Variants in HGSNAT observed in about 807,000 individuals in gnomAD.
HGSNAT encodes the protein heparan-alpha-glucosaminide N-acetyltransferase.
Under a neutral mutation model 85.2 loss-of-function variants are expected in HGSNAT, and 59 were observed. That is an observed-to-expected ratio of 0.69 (90% CI 0.56 to 0.86). HGSNAT has a LOEUF of 0.86. Ranked by LOEUF, HGSNAT falls within the 40% of genes least tolerant of loss-of-function variation. The pLI is 0.00. For missense variants in HGSNAT, 756 were observed against 777.1 expected, an observed-to-expected ratio of 0.97 and a Z score of 0.32; for synonymous variants, 321 against 304.5, an observed-to-expected ratio of 1.05 and a Z score of -0.56.
intron 2 of HGSNAT, among the ~76,000 whole-genome samples, chr8:43,152,321 C>G (rs2130697062): frequency 6.6e-6 from 1 of 152,160 alleles, no homozygotes; most frequent in South Asian, 2.1e-4. Flanking sequence ...CAAAGCTATT[C>G]AGTAGGGATC....
At chr8:43,172,020 A>G (rs1803640827) in intron 7 of HGSNAT, among the ~76,000 whole-genome samples, 1 of 152,346 alleles carries the variant, frequency 6.6e-6, no homozygotes, top group Middle Eastern at 3.4e-3. Flanking sequence ...GTTATTGGAA[A>G]TATTTTGCAA....
chr8:43,153,772 T>C (rs1470578496), intron 2 of HGSNAT, among the ~76,000 whole-genome samples: 1 of 152,168 alleles, frequency 6.6e-6, no homozygotes, highest in Non-Finnish European at 1.5e-5. Context: ...ATTTTTAGCT[T>C]TTACATACGA....
In HGSNAT at chr8:43,199,377, C is replaced by G. The variant is rs1370309387; in HGVS notation, c.1727-11C>G. 1 of 1,562,198 alleles carries G rather than the reference C, an allele frequency of 6.4e-7. No individual in the cohort carries two copies. Among genetic ancestry groups the G allele is most frequent in the African/African-American group, 1.4e-5 (1 of 73,996 alleles). ...GAGAAACATGATCTTCTGTATGTCT[C>G]TCTCCTTAAGGAATGAATTCCATTC... On this transcript the variant is annotated splice_polypyrimidine_tract_variant and intron_variant, in intron 17 of 17. Transcript: ENST00000379644.
intron 2 of HGSNAT, among the ~76,000 whole-genome samples, chr8:43,155,213 C>A (rs1586708123): frequency 6.6e-6 from 1 of 152,012 alleles, no homozygotes; most frequent in South Asian, 2.1e-4. Flanking sequence ...TAAGAGTGCC[C>A]CTTTCTCCAC....
intron 15 of HGSNAT, 40 bp from the exon 16 acceptor site, chr8:43,197,632 A>T: frequency 6.9e-7 from 1 of 1,444,524 alleles, no homozygotes; most frequent in Non-Finnish European, 9.7e-7. Context: ...TTCTGAGATA[A>T]TAATATAAAA....
chr8:43,168,482 C>T (rs552561205), intron 5 of HGSNAT, among the ~76,000 whole-genome samples: 14 of 145,852 alleles, frequency 9.6e-5, no homozygotes, highest in South Asian at 4.3e-4. Flanking sequence ...AACTTCCCTC[C>T]GCCTCCTGGG....
chr8:43,198,643 G>A (rs1804815177), intron 17 of HGSNAT, among the ~76,000 whole-genome samples: 5 of 152,110 alleles, frequency 3.3e-5, no homozygotes, highest in Admixed American at 3.3e-4. Flanking sequence ...CACTACTATA[G>A]AGATTGTGCA....
chr8:43,159,157 A>AG, intron 4 of HGSNAT, 113 bp downstream of exon 4: 12 of 1,067,684 alleles, frequency 1.1e-5, no homozygotes, highest in African/African-American at 1.6e-5. Context: ...TGAAAACCTA[A>AG]ATCTTAGGTC....
rs1414288407 is a variant in HGSNAT at position 43,169,189 on chromosome 8, A to C, written c.580A>C (p.Asn194His). Residue 194 changes from asparagine (N) to histidine (H), a missense_variant, in exon 6 of 18, where the codon AAT (asparagine) becomes CAT (histidine). Transcript: ENST00000379644. Reference protein sequence around the residue: ...RLLLSLDDFNNWISKAISSRE... With the variant: ...RLLLSLDDFNHWISKAISSRE... ...TATTTTCAGTTTGGATGACTTTAAC[A>C]ATTGGATTTCTAAAGCCATAAGTTC... 28 of 1,571,684 alleles carry C rather than the reference A, an allele frequency of 1.8e-5. No individual in the cohort carries two copies. Among genetic ancestry groups the C allele is most frequent in the Non-Finnish European group, 2.3e-5 (27 of 1,158,280 alleles).
chr8:43,172,204 G>A (rs1393009339), intron 7 of HGSNAT, 106 bp from the exon 8 acceptor site: 6 of 812,758 alleles, frequency 7.4e-6, no homozygotes, highest in Non-Finnish European at 1.3e-5. Context: ...CAGTAGAATT[G>A]CATTGTTGCA....
intron 16 of HGSNAT, 46 bp from the exon 17 acceptor site, chr8:43,197,794 G>T: frequency 6.2e-7 from 1 of 1,600,164 alleles, no homozygotes. Flanking sequence ...GCTGAAATTG[G>T]ATTTGTTCCG....
intron 10 of HGSNAT, chr8:43,181,623 A>G (rs2130782582): frequency 6.5e-6 from 1 of 154,550 alleles, no homozygotes; most frequent in Non-Finnish European, 1.4e-5. Flanking sequence ...AGTAGGATTC[A>G]TTTTAGGGTT....
At chr8:43,163,700 T>A (rs1268083950) in intron 5 of HGSNAT, among the ~76,000 whole-genome samples, 1 of 151,978 alleles carries the variant, frequency 6.6e-6, no homozygotes, top group African/African-American at 2.4e-5. Flanking sequence ...TAATTTTTAG[T>A]AGAGATGAGG....
chr8:43,188,718 AGAG>A (rs1396838810), intron 11 of HGSNAT, among the ~76,000 whole-genome samples: 1 of 152,212 alleles, frequency 6.6e-6, no homozygotes, highest in Non-Finnish European at 1.5e-5. Context: ...TTGGAGGAGA[AGAG>A]GCGCTCTGAT....
rs369606613 is a variant in HGSNAT at position 43,168,120 on chromosome 8, C to T, written c.564-1053C>T. 1.5e-4 allele frequency: 25 copies of T among 166,332 alleles called. No homozygotes were observed. The East Asian group carries it at 3.1e-3, about 20-fold the overall frequency. 10.3% of individuals were successfully genotyped at this position (166,332 alleles called of 1,614,324 possible). A position where few individuals can be genotyped will look rare whatever the true frequency, so the allele number is the denominator to read the frequency against. The stretch of plus-strand genomic sequence containing the variant: ...ATTTTTAGTAGAGACAGGGTTTCAC[C>T]GTCTTAGCCAGGATGGTCTTGATCT... On this transcript the variant is annotated intron_variant, in intron 5 of 17. Transcript: ENST00000379644.
At chr8:43,149,057 A>G (rs1378320478) in intron 2 of HGSNAT, among the ~76,000 whole-genome samples, 3 of 151,964 alleles carry the variant, frequency 2.0e-5, no homozygotes, top group Non-Finnish European at 4.4e-5. Flanking sequence ...CAGAGGTGGC[A>G]GTGAGCTGAG....
chr8:43,192,485 G>A, intron 13 of HGSNAT, 55 bp downstream of exon 13: 2 of 1,532,174 alleles, frequency 1.3e-6, no homozygotes, highest in Non-Finnish European at 1.8e-6. Flanking sequence ...AGAAGTGAAG[G>A]AAAGTAGAAA....
intron 13 of HGSNAT, among the ~76,000 whole-genome samples, chr8:43,193,073 C>G (rs986454412): frequency 2.0e-4 from 31 of 152,188 alleles, no homozygotes; most frequent in Non-Finnish European, 3.2e-4. Flanking sequence ...GCCCTTCCTA[C>G]CCCTGGATGG....
chr8:43,141,542 G>C (rs959635148), intron 1 of HGSNAT, among the ~76,000 whole-genome samples: 1 of 152,122 alleles, frequency 6.6e-6, no homozygotes, highest in Non-Finnish European at 1.5e-5. Context: ...CAGAGGGGTC[G>C]GGCAAGCATC....
Sources: allele counts gnomAD v4.1 joint callset (sites outside exome capture counted in the v4.1 genomes callset), GRCh38; gene constraint gnomAD v4.1.1; transcripts MANE v1.5; gene names NCBI Gene and HGNC (gene_info 2026-07-23, HGNC 2026-07-21).